CPAP: variants seen among roughly 807,000 people sequenced by gnomAD.
The protein encoded by CPAP is centrosome assembly and centriole elongation protein.
At chr13:24,908,486 T>G in the CPAP span, among the ~76,000 whole-genome samples, 16 of 144,138 alleles carry the variant, frequency 1.1e-4, no homozygotes, top group African/African-American at 4.2e-4. Flanking sequence ...TGGTGGCACA[T>G]GCCTGTAATC....
chr13:24,903,008 C>T, the CPAP span, among the ~76,000 whole-genome samples: 1 of 152,174 alleles, frequency 6.6e-6, no homozygotes, highest in Non-Finnish European at 1.5e-5. Flanking sequence ...ATAAAAAGTA[C>T]TAGTATGTTC....
At chr13:24,931,318 TTTGCATGCCTCATAA>T in the CPAP span, among the ~76,000 whole-genome samples, 1 of 147,818 alleles carries the variant, frequency 6.8e-6, no homozygotes, top group Non-Finnish European at 1.5e-5. Context: ...TTTTTTTTTT[TTTGCATGCCTCATAA>T]TTTTTTGTTG....
chr13:24,895,615 A>C, the CPAP span, among the ~76,000 whole-genome samples: 9 of 152,086 alleles, frequency 5.9e-5, no homozygotes, highest in African/African-American at 9.7e-5. Flanking sequence ...ATAAAGAAAG[A>C]AAGCCAAAAC....
At chr13:24,906,220 C>G in the CPAP span, 107 of 1,609,028 alleles carry the variant, frequency 6.6e-5, no homozygotes, top group Non-Finnish European at 8.6e-5. Flanking sequence ...CTTTGCAGAT[C>G]TGTTGATCCC....
At chr13:24,902,383 A>G in the CPAP span, among the ~76,000 whole-genome samples, 3 of 152,344 alleles carry the variant, frequency 2.0e-5, no homozygotes, top group East Asian at 1.9e-4. Flanking sequence ...ACGGATTGGA[A>G]TAAGTTCCAC....
the CPAP span, chr13:24,883,994 A>G: frequency 6.2e-7 from 1 of 1,614,162 alleles, no homozygotes; most frequent in Non-Finnish European, 8.5e-7. Flanking sequence ...CCATCTGGGA[A>G]AATGCTTTCT....
At chr13:24,906,234 C>T in the CPAP span, 11 of 1,607,004 alleles carry the variant, frequency 6.8e-6, no homozygotes, top group Non-Finnish European at 9.3e-6. Flanking sequence ...TGATCCCTTT[C>T]TAAGATTTTC....
the CPAP span, chr13:24,892,596 T>C: frequency 6.3e-6 from 9 of 1,426,838 alleles, no homozygotes; most frequent in African/African-American, 7.0e-5. Flanking sequence ...TGCTCAGATA[T>C]TGAAGCTCCC....
At chr13:24,908,433 T>TAA in the CPAP span, among the ~76,000 whole-genome samples, 1 of 5,056 alleles carries the variant, frequency 2.0e-4, no homozygotes, top group Non-Finnish European at 5.1e-4. Flanking sequence ...ACCCCGTCTC[T>TAA]ACAAAAAAAA....
chr13:24,922,371 A>G, the CPAP span, among the ~76,000 whole-genome samples: 1 of 152,200 alleles, frequency 6.6e-6, no homozygotes, highest in African/African-American at 2.4e-5. Flanking sequence ...ACGAAGCTTC[A>G]AGAGAGAAGC....
chr13:24,915,080 ATAAT>A, the CPAP span, among the ~76,000 whole-genome samples: 16,202 of 151,756 alleles, frequency 0.11, 1,027 homozygotes, highest in African/African-American at 0.17. Context: ...CTCTCAAAAA[ATAAT>A]TAATTAATTA....
the CPAP span, among the ~76,000 whole-genome samples, chr13:24,923,274 A>C: frequency 0.034 from 5,047 of 147,984 alleles, 272 homozygotes; most frequent in African/African-American, 0.12. Flanking sequence ...CGTACGGTCT[A>C]TTTTGTCGTT....
At chr13:24,913,013 G>A in the CPAP span, 10 of 1,613,710 alleles carry the variant, frequency 6.2e-6, no homozygotes, top group Admixed American at 1.5e-4. Context: ...GAAGAGGTTG[G>A]CATCAGGAAC....
At chr13:24,918,679 TTA>T in the CPAP span, among the ~76,000 whole-genome samples, 11 of 152,226 alleles carry the variant, frequency 7.2e-5, no homozygotes, top group African/African-American at 2.7e-4. Context: ...CAGACTTCAT[TTA>T]TGTTTTGTGT....
chr13:24,928,070 GT>G, the CPAP span, among the ~76,000 whole-genome samples: 1 of 152,216 alleles, frequency 6.6e-6, no homozygotes, highest in Admixed American at 6.5e-5. Flanking sequence ...TGCAGATTGT[GT>G]TTTCTCCAGG....
At chr13:24,890,183 C>T in the CPAP span, among the ~76,000 whole-genome samples, 1 of 152,164 alleles carries the variant, frequency 6.6e-6, no homozygotes, top group African/African-American at 2.4e-5. Context: ...CCTACAAGTA[C>T]CTTCAAATGG....
the CPAP span, chr13:24,905,890 TG>T: frequency 6.2e-7 from 1 of 1,614,100 alleles, no homozygotes; most frequent in South Asian, 1.1e-5. Flanking sequence ...CCTCAGTCGA[TG>T]GTTTTATGGT....
chr13:24,895,286 A>C, the CPAP span, among the ~76,000 whole-genome samples: 1 of 152,254 alleles, frequency 6.6e-6, no homozygotes. Flanking sequence ...TTTAAAAAAG[A>C]AAGCCAAGGC....
chr13:24,909,652 G>T, the CPAP span: 1 of 792,564 alleles, frequency 1.3e-6, no homozygotes, highest in Non-Finnish European at 2.1e-6. Flanking sequence ...GTGCCCAGGA[G>T]ATTGAGTCCA....
Sources: allele counts gnomAD v4.1 joint callset (sites outside exome capture counted in the v4.1 genomes callset), GRCh38; gene constraint gnomAD v4.1.1; transcripts MANE v1.5; gene names NCBI Gene and HGNC (gene_info 2026-07-23, HGNC 2026-07-21).